Variants in APLF observed in about 807,000 individuals in gnomAD.
APLF encodes the protein aprataxin and PNKP like factor, also known as aprataxin and PNK-like factor.
A neutral mutation model predicts 55.6 loss-of-function variants in APLF; 61 were observed. The ratio of observed to expected loss-of-function variants is 1.10; its 90% CI spans 0.89 to 1.36. The LOEUF (loss-of-function observed/expected upper bound fraction) is 1.36. Ranked by LOEUF, APLF falls within the 40% of genes most tolerant of loss-of-function variation. The pLI, the probability that APLF is intolerant of heterozygous loss-of-function variation, is 0.00. For missense variants in APLF, 611 were observed against 602.5 expected, an observed-to-expected ratio of 1.01 and a Z score of -0.15; for synonymous variants, 207 against 214.8, an observed-to-expected ratio of 0.96 and a Z score of 0.32.
At chr2:68,525,969 C>A in intron 5 of APLF, 92 bp from the exon 6 acceptor site, 1 of 1,281,286 alleles carries the variant, frequency 7.8e-7, no homozygotes, top group East Asian at 2.6e-5. Flanking sequence ...AGGCTGGTCT[C>A]GAATCCTTTT....
At chr2:68,498,046 A>C (rs965421914) in intron 2 of APLF, among the ~76,000 whole-genome samples, 3 of 152,194 alleles carry the variant, frequency 2.0e-5, no homozygotes, top group Non-Finnish European at 4.4e-5. Flanking sequence ...ACAAGGTGCA[A>C]TTTAAAGACA....
At position 68,529,146 on chromosome 2, in the gene APLF, G is replaced by T. The variant is rs1235477070; in HGVS notation, c.804+2904G>T. ...AACATCCTGGAGTTGCGAGCAGACA[G>T]CACGGGTTTCTTCCTTGAGGGGGGG... On this transcript the variant is annotated intron_variant, in intron 6 of 9. Coordinates refer to ENST00000303795, the MANE Select transcript of APLF (RefSeq NM_173545.3). The surrounding 1 kb of genome is among the most constrained non-coding windows in gnomAD (Gnocchi z 4.4). 2.3e-5 allele frequency: 30 copies of T among 1,316,838 alleles called. No individual in the cohort carries two copies. The highest frequency in any genetic ancestry group is 2.9e-5 in the Non-Finnish European group (28 of 959,840). 81.6% of individuals were successfully genotyped at this position (1,316,838 alleles called of 1,614,324 possible).
chr2:68,468,818 G>A (rs1675517789), intron 1 of APLF, among the ~76,000 whole-genome samples: 1 of 152,138 alleles, frequency 6.6e-6, no homozygotes, highest in African/African-American at 2.4e-5. Context: ...TCTTGGGACC[G>A]GGGAGACACC....
intron 8 of APLF, among the ~76,000 whole-genome samples, chr2:68,548,056 A>G (rs1183727110): frequency 6.6e-6 from 1 of 151,856 alleles, no homozygotes; most frequent in Admixed American, 6.6e-5. Flanking sequence ...AGATAACTCA[A>G]AACATTACTG....
intron 6 of APLF, among the ~76,000 whole-genome samples, chr2:68,527,724 C>G (rs1012113353): frequency 2.0e-5 from 3 of 151,354 alleles, no homozygotes; most frequent in African/African-American, 7.3e-5. Flanking sequence ...AGGCGCTCCT[C>G]ACTTCCCAGA....
chr2:68,558,734 G>A (rs112863131), intron 8 of APLF, among the ~76,000 whole-genome samples: 3,395 of 152,122 alleles, frequency 0.022, 124 homozygotes, highest in African/African-American at 0.078. Context: ...AGATCAACCC[G>A]TCACCTAGGT....
At chr2:68,547,580 C>T (rs530633521) in intron 8 of APLF, among the ~76,000 whole-genome samples, 6 of 151,546 alleles carry the variant, frequency 4.0e-5, no homozygotes, top group East Asian at 3.9e-4. Context: ...TGAAAAGGGA[C>T]GTTGCAGGTA....
intron 6 of APLF, among the ~76,000 whole-genome samples, chr2:68,530,798 A>T (rs1670231866): frequency 6.6e-6 from 1 of 152,048 alleles, no homozygotes; most frequent in Non-Finnish European, 1.5e-5. Flanking sequence ...TGTATGAAAA[A>T]CCATTTGGCC....
intron 2 of APLF, among the ~76,000 whole-genome samples, chr2:68,498,578 G>A (rs1028438903): frequency 6.6e-6 from 1 of 152,196 alleles, no homozygotes; most frequent in Non-Finnish European, 1.5e-5. Flanking sequence ...AGTGCATGAG[G>A]AGATGATGCT....
At chr2:68,468,016 T>A (rs1016487006) in intron 1 of APLF, among the ~76,000 whole-genome samples, 189 bp downstream of exon 1, 6 of 152,248 alleles carry the variant, frequency 3.9e-5, no homozygotes, top group Admixed American at 2.0e-4. Flanking sequence ...ATGTTGCTTT[T>A]AAAACACTGA....
chr2:68,508,622 GTTCTGTGCTTCTAAGGACACAGT>G (rs1223475680), intron 3 of APLF, among the ~76,000 whole-genome samples: 1 of 151,898 alleles, frequency 6.6e-6, no homozygotes, highest in African/African-American at 2.4e-5. Context: ...ACACTTAAAA[GTTCTGTGCTTCTAAGGACACAGT>G]TAAGAAAGTG....
intron 1 of APLF, among the ~76,000 whole-genome samples, chr2:68,488,453 C>G (rs1676255059): frequency 6.6e-6 from 1 of 151,580 alleles, no homozygotes; most frequent in Non-Finnish European, 1.5e-5. Context: ...ACCTCAGCCT[C>G]CCAAGTATTA....
chr2:68,523,417 G>C (rs1165432033), intron 5 of APLF, among the ~76,000 whole-genome samples: 1 of 151,868 alleles, frequency 6.6e-6, no homozygotes, highest in Non-Finnish European at 1.5e-5. Context: ...AATACACTTT[G>C]ATCCAGAAAT....
chr2:68,502,963 A>C lies in APLF; in HGVS notation c.341+60A>C. 1.9e-6 allele frequency: 3 copies of C among 1,538,988 alleles called. No individual in the cohort carries two copies. In the South Asian group the frequency reaches 3.7e-5, roughly 19 times the overall value. On this transcript the variant is annotated intron_variant, in intron 3 of 9. Coordinates refer to ENST00000303795, the MANE Select transcript of APLF (RefSeq NM_173545.3). ...TTTTTAATCTAATTCCTCAGCCATC[A>C]CAAATCCTTCGGTAGGAACCAGTAG...
rs116804457 is a variant in APLF at position 68,554,984 on chromosome 2, A to G, written c.1286+9672A>G. Among the ~76,000 whole-genome samples the G allele has an allele frequency of 7.1e-3, 1,080 of 152,260 alleles. 17 individuals carry two copies. Among genetic ancestry groups the G allele is most frequent in the South Asian group, 0.039 (189 of 4,830 alleles). The stretch of plus-strand genomic sequence containing the variant: ...CACATAGACCAATGGAACAGAATAG[A>G]GAGCCCAGAAAAAAACCCCTAATAC... On this transcript the variant is annotated intron_variant, in intron 8 of 9. Coordinates refer to ENST00000303795, the MANE Select transcript of APLF (RefSeq NM_173545.3).
intron 2 of APLF, among the ~76,000 whole-genome samples, chr2:68,497,736 C>T (rs994814098): frequency 1.3e-5 from 2 of 152,230 alleles, no homozygotes; most frequent in Admixed American, 6.5e-5. Context: ...CCCCTATAAT[C>T]CAAGCACCTC....
At chr2:68,555,272 C>A (rs1350427899) in intron 8 of APLF, among the ~76,000 whole-genome samples, 7 of 152,018 alleles carry the variant, frequency 4.6e-5, no homozygotes, top group Admixed American at 4.6e-4. Flanking sequence ...TAACCAAAAA[C>A]CTAAAAGCAA....
rs904324418 is a variant in APLF, at chr2:68,579,369, G to A, written c.*1347G>A. 7.5e-5 allele frequency: 73 copies of A among 979,378 alleles called. No individual in the cohort carries two copies. Among genetic ancestry groups the A allele is most frequent in the Admixed American group, 2.5e-4 (4 of 16,220 alleles). The allele number at this position is 979,378 out of a possible 1,614,324, so 60.7% of individuals were successfully genotyped here. A position where few individuals can be genotyped will look rare whatever the true frequency, so the allele number is the denominator to read the frequency against. ...AGCCTTGGTAGTATAACAAATCTAC[G>A]AATGTAATATTTAACTTATTCTCAT... On this transcript the variant is annotated 3_prime_UTR_variant, in exon 10 of 10. Coordinates refer to ENST00000303795, the MANE Select transcript of APLF (RefSeq NM_173545.3).
chr2:68,475,588 G>A lies in APLF; in HGVS notation c.96+7761G>A, dbSNP rs141938417. ...TTGATTTCTGAATTGAAGTGTTTAT[G>A]GGGAGTCTCTGGGCAAAATCAAGTC... On this transcript the variant is annotated intron_variant, in intron 1 of 9. Transcript: ENST00000303795. Among the ~76,000 whole-genome samples, 987 of 152,238 alleles carry A rather than the reference G, an allele frequency of 6.5e-3. 7 individuals carry two copies. Among genetic ancestry groups the A allele is most frequent in the African/African-American group, 0.023 (940 of 41,538 alleles).
Sources: gnomAD v4.1 joint callset for allele counts (sites outside exome capture counted in the v4.1 genomes callset) on GRCh38, gnomAD v4.1.1 for gene constraint, Gnocchi (gnomAD v3.1) non-coding constraint, MANE v1.5 for transcripts, NCBI Gene and HGNC (gene_info 2026-07-23, HGNC 2026-07-21) for gene names.